Variants in TENM3 observed in about 807,000 individuals in gnomAD.
The protein encoded by TENM3 is teneurin transmembrane protein 3, also known as teneurin-3.
Under a neutral mutation model 255.1 loss-of-function variants are expected in TENM3, and 63 were observed. The ratio of observed to expected loss-of-function variants is 0.25; its 90% CI spans 0.20 to 0.30. TENM3 has a LOEUF of 0.30. TENM3 is among the 10% of genes least tolerant of loss of function. The pLI, the probability that TENM3 is intolerant of heterozygous loss-of-function variation, is 1.00. For missense variants in TENM3, 2,929 were observed against 3,461.1 expected, an observed-to-expected ratio of 0.85 and a Z score of 3.86; for synonymous variants, 1,306 against 1,322.3, an observed-to-expected ratio of 0.99 and a Z score of 0.27.
the TENM3 span, among the ~76,000 whole-genome samples, chr4:182,047,914 T>C: frequency 6.8e-4 from 104 of 152,288 alleles, 1 homozygote; most frequent in African/African-American, 2.4e-3. Flanking sequence ...CCTGACTATA[T>C]AAGAAATGTC....
the TENM3 span, among the ~76,000 whole-genome samples, chr4:181,974,743 G>A: frequency 6.6e-6 from 1 of 152,156 alleles, no homozygotes. Flanking sequence ...GACAAACACT[G>A]AGCAGAACTG....
At chr4:182,467,321 T>C (rs1732692809) in intron 3 of TENM3, among the ~76,000 whole-genome samples, 1 of 150,302 alleles carries the variant, frequency 6.7e-6, no homozygotes, top group African/African-American at 2.4e-5. Flanking sequence ...AACTTTATGA[T>C]TGTCAACAAA....
chr4:181,507,122 C>A, the TENM3 span, among the ~76,000 whole-genome samples: 1 of 152,318 alleles, frequency 6.6e-6, no homozygotes, highest in East Asian at 1.9e-4. Context: ...GGCATCTGGT[C>A]CAGCCTTACA....
the TENM3 span, among the ~76,000 whole-genome samples, chr4:181,627,284 T>C: frequency 2.0e-5 from 3 of 152,212 alleles, no homozygotes; most frequent in African/African-American, 7.2e-5. Context: ...GATGTTGAGA[T>C]TGATAATAAT....
chr4:182,189,229 G>A (rs1487715896), intron 1 of TENM3, among the ~76,000 whole-genome samples: 1 of 151,508 alleles, frequency 6.6e-6, no homozygotes, highest in Non-Finnish European at 1.5e-5. Flanking sequence ...TTCTTCTCCC[G>A]GTGCTGGAAG....
intron 3 of TENM3, among the ~76,000 whole-genome samples, chr4:182,482,491 T>G (rs1315789326): frequency 6.6e-6 from 1 of 152,192 alleles, no homozygotes; most frequent in African/African-American, 2.4e-5. Context: ...GCAACTATTA[T>G]TGTGGAATAT....
the TENM3 span, among the ~76,000 whole-genome samples, chr4:181,949,931 C>A: frequency 1.3e-5 from 2 of 152,152 alleles, no homozygotes; most frequent in Admixed American, 1.3e-4. Context: ...GCCACCTCCT[C>A]GGAGAGCCCA....
At chr4:181,818,868 G>T in the TENM3 span, among the ~76,000 whole-genome samples, 7 of 152,172 alleles carry the variant, frequency 4.6e-5, no homozygotes, top group African/African-American at 1.7e-4. Context: ...CTCCCAAAGT[G>T]CTGGGATTAC....
intron 3 of TENM3, among the ~76,000 whole-genome samples, chr4:182,540,488 G>T (rs1473476221): frequency 6.6e-6 from 1 of 152,152 alleles, no homozygotes; most frequent in Non-Finnish European, 1.5e-5. Flanking sequence ...ACGGGAGGCG[G>T]AGGCAGGAGA....
At chr4:181,873,741 GGTGT>G in the TENM3 span, among the ~76,000 whole-genome samples, 128,770 of 148,810 alleles carry the variant, frequency 0.87, 57,510 homozygotes, top group East Asian at 0.99. Flanking sequence ...TCTTGAGTAT[GGTGT>G]GTGTGTGTGT....
chr4:182,565,115 A>G (rs546348174), intron 3 of TENM3, among the ~76,000 whole-genome samples: 1 of 152,324 alleles, frequency 6.6e-6, no homozygotes, highest in African/African-American at 2.4e-5. Flanking sequence ...TAGTTAGTAA[A>G]GACACTATGT....
the TENM3 span, among the ~76,000 whole-genome samples, chr4:181,903,065 T>C: frequency 6.6e-6 from 1 of 152,280 alleles, no homozygotes; most frequent in Non-Finnish European, 1.5e-5. Flanking sequence ...TATCCATGAG[T>C]GGTTTCCTAC....
At chr4:182,527,459 A>G (rs1254983870) in intron 3 of TENM3, among the ~76,000 whole-genome samples, 2 of 149,506 alleles carry the variant, frequency 1.3e-5, no homozygotes, top group Non-Finnish European at 3.0e-5. Flanking sequence ...GTATTTAATT[A>G]TGTAGATTAA....
chr4:181,938,455 A>C, the TENM3 span, among the ~76,000 whole-genome samples: 1 of 152,210 alleles, frequency 6.6e-6, no homozygotes, highest in African/African-American at 2.4e-5. Flanking sequence ...AATACACAAC[A>C]AGCATATGAT....
intron 3 of TENM3, among the ~76,000 whole-genome samples, chr4:182,576,080 C>A (rs1744883046): frequency 6.6e-6 from 1 of 152,140 alleles, no homozygotes; most frequent in South Asian, 2.1e-4. Flanking sequence ...TTAAGAAAAT[C>A]CACTCGATGA....
chr4:181,470,337 C>T, the TENM3 span, among the ~76,000 whole-genome samples: 6 of 151,644 alleles, frequency 4.0e-5, no homozygotes, highest in African/African-American at 1.5e-4. Flanking sequence ...CTCTGTTTAA[C>T]TCTTCCAGTT....
chr4:182,497,880 A>ATATATATATATATATATC (rs1389184818), intron 3 of TENM3, among the ~76,000 whole-genome samples: 1 of 146,414 alleles, frequency 6.8e-6, no homozygotes, highest in African/African-American at 2.5e-5. Flanking sequence ...ATATATATAT[A>ATATATATATATATATATC]TATCTCAACC....
intron 3 of TENM3, among the ~76,000 whole-genome samples, chr4:182,568,186 T>C (rs1743990263): frequency 6.6e-6 from 1 of 152,200 alleles, no homozygotes; most frequent in Non-Finnish European, 1.5e-5. Flanking sequence ...ACCACAGTCA[T>C]GTAAGCCAGT....
the TENM3 span, among the ~76,000 whole-genome samples, chr4:181,517,510 C>T: frequency 6.6e-6 from 1 of 152,090 alleles, no homozygotes; most frequent in Non-Finnish European, 1.5e-5. Context: ...CTTTTGTTAC[C>T]AATTATTACA....
Sources: gnomAD v4.1 joint callset for allele counts (sites outside exome capture counted in the v4.1 genomes callset) on GRCh38, gnomAD v4.1.1 for gene constraint, MANE v1.5 for transcripts, NCBI Gene and HGNC (gene_info 2026-07-23, HGNC 2026-07-21) for gene names.